Variants in DLG2 observed in about 807,000 individuals in gnomAD.
The protein encoded by DLG2 is discs large MAGUK scaffold protein 2, also known as disks large homolog 2.
Under a neutral mutation model 132.5 loss-of-function variants are expected in DLG2, and 45 were observed. The observed-to-expected ratio is 0.34, with a 90% CI of 0.27 to 0.44. The LOEUF is 0.44. Among genes scored for constraint, DLG2 ranks in the 20% least tolerant of loss-of-function variants. DLG2 has a pLI of 1.00. For missense variants in DLG2, 1,045 were observed against 1,196.9 expected, an observed-to-expected ratio of 0.87 and a Z score of 1.87; for synonymous variants, 424 against 419.6, an observed-to-expected ratio of 1.01 and a Z score of -0.13.
intron 21 of DLG2, among the ~76,000 whole-genome samples, chr11:83,500,724 T>C (rs1388572240): frequency 6.6e-6 from 1 of 152,128 alleles, no homozygotes; most frequent in Non-Finnish European, 1.5e-5. Context: ...ATTGAATGCC[T>C]GTATGTCCCA....
At chr11:84,971,591 A>C (rs2054103360) in intron 6 of DLG2, among the ~76,000 whole-genome samples, 2 of 152,202 alleles carry the variant, frequency 1.3e-5, no homozygotes, top group Non-Finnish European at 2.9e-5. Context: ...TGAGATTTTA[A>C]AATGTCAAAT....
Position 85,463,485 on chromosome 11 carries a change from CA to C in DLG2, c.40+135171del, listed in dbSNP as rs541962494. ...ATAAGAAATGTGTAGAATGAATTAC[CA>C]AAAAAACTTGGGATGGGTGCAGTGG... is the stretch of plus-strand genomic sequence containing the variant. On this transcript the variant is annotated intron_variant, in intron 3 of 27. Coordinates refer to ENST00000376104, the MANE Select transcript of DLG2 (RefSeq NM_001142699.3). Among the ~76,000 whole-genome samples, 28 of 152,170 alleles carry C rather than the reference CA, an allele frequency of 1.8e-4. 2 individuals are homozygous for C. In the South Asian group the frequency reaches 5.8e-3, roughly 32 times the overall value.
At chr11:84,380,595 T>C (rs781353101) in intron 7 of DLG2, among the ~76,000 whole-genome samples, 2 of 151,804 alleles carry the variant, frequency 1.3e-5, no homozygotes, top group African/African-American at 2.4e-5. Flanking sequence ...AGAAAACTTA[T>C]AGCCTTAAGT....
chr11:85,157,831 T>G (rs1438685885), intron 4 of DLG2, among the ~76,000 whole-genome samples: 1 of 152,170 alleles, frequency 6.6e-6, no homozygotes, highest in East Asian at 1.9e-4. Flanking sequence ...CTGGGAACAC[T>G]GAGTTTGTAA....
intron 16 of DLG2, among the ~76,000 whole-genome samples, chr11:83,858,015 C>T (rs1407331320): frequency 6.6e-6 from 1 of 152,076 alleles, no homozygotes; most frequent in Non-Finnish European, 1.5e-5. Flanking sequence ...CAAGTTGATC[C>T]TAAGAACTGA....
At chr11:83,592,541 T>C (rs1355541881) in intron 19 of DLG2, among the ~76,000 whole-genome samples, 1 of 152,014 alleles carries the variant, frequency 6.6e-6, no homozygotes, top group African/African-American at 2.4e-5. Flanking sequence ...ATAAAAACCC[T>C]AGAAAAAAAC....
At chr11:84,755,971 C>A (rs2066823681) in intron 6 of DLG2, among the ~76,000 whole-genome samples, 1 of 152,024 alleles carries the variant, frequency 6.6e-6, no homozygotes, top group African/African-American at 2.4e-5. Flanking sequence ...AATAGAATGA[C>A]TGGCGTACTT....
chr11:84,553,577 C>T (rs995615627), intron 6 of DLG2, among the ~76,000 whole-genome samples: 1 of 152,072 alleles, frequency 6.6e-6, no homozygotes, highest in Non-Finnish European at 1.5e-5. Flanking sequence ...TCTTAAAGAA[C>T]GGAAAGGTAT....
At position 83,459,922 on chromosome 11, in the gene DLG2, T is replaced by C. The variant is rs533405452; in HGVS notation, c.2824A>G (p.Ile942Val). 154 of 1,546,258 alleles carry C rather than the reference T, an allele frequency of 1.0e-4. 1 individual carries two copies. In the South Asian group the frequency reaches 1.5e-3, roughly 15 times the overall value. ...TCTTCTAAAGTATCTCCTTGGACAA[T>C]AGCTGTAACAAAAGCAAACACACCC... ...EQEFGEYFTA[I>V]VQGDTLEDIY... The change falls in exon 28 of 28, where the codon ATT becomes GTT. Residue 942 changes from isoleucine (I) to valine (V), a missense_variant and splice_region_variant. Ile to Val is a conservative substitution (Grantham distance 29). Around this residue, in one of 4 missense-constraint regions of DLG2, gnomAD observed 398 missense variants for 543.6 expected, o/e 0.73. Coordinates refer to ENST00000376104, the MANE Select transcript of DLG2 (RefSeq NM_001142699.3).
intron 6 of DLG2, among the ~76,000 whole-genome samples, chr11:84,733,142 T>C (rs2063366740): frequency 6.6e-6 from 1 of 152,200 alleles, no homozygotes; most frequent in Non-Finnish European, 1.5e-5. Context: ...TTATAATCCT[T>C]TGGGTATATA....
chr11:85,616,401 G>A (rs2081342653), intron 2 of DLG2, among the ~76,000 whole-genome samples: 1 of 152,092 alleles, frequency 6.6e-6, no homozygotes, highest in Admixed American at 6.6e-5. Flanking sequence ...ATCATAAGAA[G>A]GCAAGTAACC....
intron 6 of DLG2, among the ~76,000 whole-genome samples, chr11:84,682,669 T>C (rs2099734523): frequency 6.6e-6 from 1 of 152,184 alleles, no homozygotes; most frequent in African/African-American, 2.4e-5. Context: ...TCAGTCCCCA[T>C]GACTAGGGCC....
At chr11:85,211,085 A>G (rs938877192) in intron 4 of DLG2, among the ~76,000 whole-genome samples, 1 of 152,156 alleles carries the variant, frequency 6.6e-6, no homozygotes, top group Non-Finnish European at 1.5e-5. Flanking sequence ...TCTCTACCTC[A>G]TGAAGGTTGA....
In DLG2 at chr11:84,127,750, A is replaced by C. The variant is rs901121573; in HGVS notation, c.625-28703T>G. The stretch of plus-strand genomic sequence containing the variant: ...TGCTCAGCCTTCTGTCTTTGCCTTC[A>C]CATGGTGTTCTTCTTATGTGCGTAT... On this transcript the variant is annotated intron_variant, in intron 9 of 27. Coordinates refer to ENST00000376104, the MANE Select transcript of DLG2 (RefSeq NM_001142699.3). Among the ~76,000 whole-genome samples the C allele has an allele frequency of 7.9e-5, 12 of 152,198 alleles. No homozygotes were observed. In the South Asian group the frequency reaches 1.0e-3, roughly 13 times the overall value.
At chr11:85,595,064 C>CAAAAAAAA (rs947518185) in intron 3 of DLG2, among the ~76,000 whole-genome samples, 1 of 58,232 alleles carries the variant, frequency 1.7e-5, no homozygotes, top group East Asian at 5.7e-4. Flanking sequence ...GACTCTGTCT[C>CAAAAAAAA]AAAAAAAAAA....
Position 83,962,913 on chromosome 11 carries a change from G to A in DLG2, c.1312C>T (p.His438Tyr), listed in dbSNP as rs1276123104. 1 of 1,613,080 alleles carries A rather than the reference G, an allele frequency of 6.2e-7. No homozygotes were observed. The highest frequency in any genetic ancestry group is 8.5e-7 in the Non-Finnish European group (1 of 1,179,200). Reference protein sequence around the residue: ...SPGRYSPIPKHMLVDDDYTRP... With the variant: ...SPGRYSPIPKYMLVDDDYTRP... ...GTGTAGTCGTCGTCAACAAGCATGT[G>A]CTTTGGAATTGGTGAGTACCTTCCT... Residue 438 changes from histidine (H) to tyrosine (Y), a missense_variant, in exon 14 of 28, where the codon CAC (histidine) becomes TAC (tyrosine). Transcript: ENST00000376104.
chr11:85,214,371 C>T (rs76932941), intron 4 of DLG2, among the ~76,000 whole-genome samples: 16 of 152,114 alleles, frequency 1.1e-4, no homozygotes, highest in Admixed American at 1.0e-3. Context: ...TACAACACCT[C>T]GCAAAAATCT....
At chr11:85,017,969 G>T (rs561128933) in intron 6 of DLG2, among the ~76,000 whole-genome samples, 2 of 152,226 alleles carry the variant, frequency 1.3e-5, no homozygotes, top group African/African-American at 4.8e-5. Flanking sequence ...ATTTCTCTTG[G>T]AAAACTGATA....
intron 19 of DLG2, among the ~76,000 whole-genome samples, chr11:83,577,048 G>A (rs1325647737): frequency 6.6e-6 from 1 of 152,142 alleles, no homozygotes; most frequent in Non-Finnish European, 1.5e-5. Context: ...GGGGAAGGCA[G>A]ATCCACCCTT....
Sources: allele counts gnomAD v4.1 joint callset (sites outside exome capture counted in the v4.1 genomes callset), GRCh38; gene constraint gnomAD v4.1.1; regional missense constraint gnomAD v4.1.1; transcripts MANE v1.5; gene names NCBI Gene and HGNC (gene_info 2026-07-23, HGNC 2026-07-21).